Variants in DOCK9 observed in about 807,000 individuals in gnomAD.
DOCK9 encodes the protein dedicator of cytokinesis protein 9.
A neutral mutation model predicts 263.3 loss-of-function variants in DOCK9; 89 were observed. That is an observed-to-expected ratio of 0.34 (90% CI 0.28 to 0.40). DOCK9 has a LOEUF of 0.40. Ranked by LOEUF, DOCK9 falls within the 10% of genes least tolerant of loss-of-function variation. DOCK9 has a pLI of 1.00. For missense variants in DOCK9, 2,140 were observed against 2,603.4 expected, an observed-to-expected ratio of 0.82 and a Z score of 3.87; for synonymous variants, 976 against 973.1, an observed-to-expected ratio of 1.00 and a Z score of -0.06.
At chr13:98,967,422 C>T (rs1205902705) in intron 1 of DOCK9, among the ~76,000 whole-genome samples, 1 of 152,196 alleles carries the variant, frequency 6.6e-6, no homozygotes, top group East Asian at 1.9e-4. Flanking sequence ...TGCATCATCA[C>T]CATTTCACTG....
At chr13:98,935,886 A>G (rs1341907929) in intron 2 of DOCK9, among the ~76,000 whole-genome samples, 1 of 152,232 alleles carries the variant, frequency 6.6e-6, no homozygotes, top group Admixed American at 6.5e-5. Context: ...TGATACCACC[A>G]GCTGCTAAGG....
At chr13:99,084,596 G>A (rs555943838) in intron 1 of DOCK9, among the ~76,000 whole-genome samples, 2 of 152,346 alleles carry the variant, frequency 1.3e-5, no homozygotes, top group African/African-American at 4.8e-5. Context: ...GATGGGAAGG[G>A]CAGATATTCG....
At chr13:98,898,292 A>G (rs1254386475) in intron 13 of DOCK9, 31 bp from the exon 14 acceptor site, 4 of 1,521,586 alleles carry the variant, frequency 2.6e-6, no homozygotes, top group Non-Finnish European at 3.6e-6. Context: ...GCTATGAGAT[A>G]CTGCATCTCA....
At chr13:98,950,515 G>T in intron 2 of DOCK9, 1 of 403,626 alleles carries the variant, frequency 2.5e-6, no homozygotes, top group South Asian at 3.2e-5. Flanking sequence ...GCTGTCCAGG[G>T]TGGTCTTGAA....
chr13:98,849,137 G>A (rs977168368), intron 36 of DOCK9, among the ~76,000 whole-genome samples: 1 of 151,820 alleles, frequency 6.6e-6, no homozygotes. Context: ...TGTATTTAAT[G>A]AGGTAGTTAA....
intron 39 of DOCK9, among the ~76,000 whole-genome samples, chr13:98,836,569 C>G (rs1300447189): frequency 1.3e-5 from 2 of 152,106 alleles, no homozygotes; most frequent in African/African-American, 4.8e-5. Context: ...GTAGTAGAGG[C>G]TCCAGGTAAT....
intron 15 of DOCK9, among the ~76,000 whole-genome samples, chr13:98,891,322 G>A (rs186185228): frequency 1.3e-5 from 2 of 152,244 alleles, no homozygotes; most frequent in Admixed American, 1.3e-4. Context: ...CTTCAGTGGA[G>A]GAATTCAACA....
intron 1 of DOCK9, among the ~76,000 whole-genome samples, chr13:99,079,407 T>G (rs1324010553): frequency 3.3e-5 from 5 of 152,204 alleles, no homozygotes; most frequent in Non-Finnish European, 7.3e-5. Flanking sequence ...AACCTGTGTG[T>G]GAAGCCTTCA....
intron 1 of DOCK9, among the ~76,000 whole-genome samples, chr13:98,988,377 T>G (rs995532836): frequency 1.3e-5 from 2 of 152,250 alleles, no homozygotes; most frequent in African/African-American, 4.8e-5. Context: ...TCCAAGTTAT[T>G]TTCTTTTGCC....
At chr13:98,925,202 T>G (rs2052729841) in intron 4 of DOCK9, among the ~76,000 whole-genome samples, 1 of 152,044 alleles carries the variant, frequency 6.6e-6, no homozygotes. Flanking sequence ...AAATCTCTTT[T>G]CTTTAGAAAT....
At chr13:98,962,744 AATAT>A (rs2058783872) in intron 1 of DOCK9, among the ~76,000 whole-genome samples, 1 of 152,222 alleles carries the variant, frequency 6.6e-6, no homozygotes. Flanking sequence ...ATAATGACCC[AATAT>A]AGAGAAAACT....
At chr13:98,869,922 G>A (rs369652570) in intron 27 of DOCK9, among the ~76,000 whole-genome samples, 1 of 152,332 alleles carries the variant, frequency 6.6e-6, no homozygotes, top group South Asian at 2.1e-4. Context: ...GGTGAACATC[G>A]CAGGCTGGAT....
chr13:98,950,174 T>A, intron 2 of DOCK9: 1 of 830,070 alleles, frequency 1.2e-6, no homozygotes, highest in Non-Finnish European at 1.8e-6. Flanking sequence ...ATTCTTTGGA[T>A]GCGTAAAACA....
At chr13:99,012,116 C>T (rs1472143619) in intron 1 of DOCK9, among the ~76,000 whole-genome samples, 4 of 152,196 alleles carry the variant, frequency 2.6e-5, no homozygotes, top group African/African-American at 9.6e-5. Flanking sequence ...GCGCCCAGCC[C>T]AGAATCAGCA....
At chr13:98,882,941 T>A in intron 23 of DOCK9, 101 bp downstream of exon 23, 2 of 929,692 alleles carry the variant, frequency 2.2e-6, no homozygotes, top group South Asian at 3.5e-5. Context: ...GACATCCAGG[T>A]AAGAGCTTCC....
chr13:98,901,806 G>C lies in DOCK9; in HGVS notation c.1475C>G (p.Pro492Arg). The change falls in exon 13 of 53, where the codon CCA becomes CGA. Residue 492 changes from proline to arginine, a missense_variant. Physicochemically the swap from Pro to Arg is moderately radical, Grantham distance 103. Transcript: ENST00000682017. The stretch of plus-strand genomic sequence containing the variant: ...AGAAGAGTCTGAACTTTTCATATAT[G>C]GCTCAGCGCAATGTGTGATGCTCCC... ...LQGSITHCAE[P>R]YMKSSDSSKV... 1 of 1,612,640 alleles carries C rather than the reference G, an allele frequency of 6.2e-7. No individual in the cohort carries two copies. The highest frequency in any genetic ancestry group is 8.5e-7 in the Non-Finnish European group (1 of 1,179,332).
At position 99,060,644 on chromosome 13, in the gene DOCK9, T is replaced by G. The variant is rs146364026; in HGVS notation, c.129+25579A>C. ...CAACATAACAATAACAGACATGGTA[T>G]CTTATAATATCTGTCTTTATAAGAT... On this transcript the variant is annotated intron_variant, in intron 1 of 32. Coordinates refer to the DOCK9 transcript ENST00000427887. 3.2e-4 allele frequency among the ~76,000 whole-genome samples: 48 copies of G among 152,322 alleles called. 1 individual carries two copies. In the East Asian group the frequency reaches 9.1e-3, roughly 29 times the overall value.
intron 47 of DOCK9, 104 bp downstream of exon 47, chr13:98,809,248 A>T (rs1466466231): frequency 7.9e-7 from 1 of 1,259,614 alleles, no homozygotes. Context: ...TACAGAAAAC[A>T]GAGAATTTAT....
At chr13:99,056,318 T>C (rs2040921494) in intron 1 of DOCK9, among the ~76,000 whole-genome samples, 5 of 150,984 alleles carry the variant, frequency 3.3e-5, no homozygotes, top group African/African-American at 1.2e-4. Context: ...GCACATTAAA[T>C]GGTACTGATA....
Sources: gnomAD v4.1 joint callset for allele counts (sites outside exome capture counted in the v4.1 genomes callset) on GRCh38, gnomAD v4.1.1 for gene constraint, MANE v1.5 for transcripts, NCBI Gene and HGNC (gene_info 2026-07-23, HGNC 2026-07-21) for gene names.